PCSK5: variants seen among roughly 807,000 people sequenced by gnomAD.
The protein encoded by PCSK5 is proprotein convertase subtilisin/kexin type 5.
In PCSK5, 129 loss-of-function variants were observed where a neutral mutation model predicts 233.2. The ratio of observed to expected loss-of-function variants is 0.55; its 90% CI spans 0.48 to 0.64. The LOEUF (loss-of-function observed/expected upper bound fraction) is 0.64. Among genes scored for constraint, PCSK5 ranks in the 30% least tolerant of loss-of-function variants. The probability of loss-of-function intolerance (pLI) is 0.00; values close to 1 mark genes in which losing one functional copy is unlikely to be tolerated. For synonymous variants in PCSK5, 825 were observed against 879.2 expected, an observed-to-expected ratio of 0.94 and a Z score of 1.09; for missense variants, 2,076 against 2,430.1, an observed-to-expected ratio of 0.85 and a Z score of 3.06.
At chr9:75,947,078 C>G (rs1011047835) in intron 2 of PCSK5, among the ~76,000 whole-genome samples, 1 of 152,092 alleles carries the variant, frequency 6.6e-6, no homozygotes, top group South Asian at 2.1e-4. Context: ...TCCTGCAGTA[C>G]GTGTTTCTTG....
chr9:76,265,593 T>A (rs1247474527), intron 24 of PCSK5, among the ~76,000 whole-genome samples: 1 of 151,834 alleles, frequency 6.6e-6, no homozygotes, highest in African/African-American at 2.4e-5. Context: ...GGTGGGAGAG[T>A]AGATAAATGT....
intron 3 of PCSK5, among the ~76,000 whole-genome samples, chr9:75,992,185 T>G (rs1352330090): frequency 1.3e-5 from 2 of 152,180 alleles, no homozygotes; most frequent in East Asian, 3.9e-4. Flanking sequence ...TCCCTCGTGA[T>G]CTCTATTTTA....
intron 5 of PCSK5, among the ~76,000 whole-genome samples, chr9:76,040,754 T>C (rs748367706): frequency 2.0e-5 from 3 of 152,198 alleles, no homozygotes; most frequent in Admixed American, 6.5e-5. Flanking sequence ...CAATAAACAA[T>C]GTTTAATTCA....
At position 76,188,565 on chromosome 9, in the gene PCSK5, A is replaced by G. The variant is rs376389955; in HGVS notation, c.2283-13A>G. 1.3e-4 allele frequency: 212 copies of G among 1,592,290 alleles called. No individual in the cohort carries two copies. The highest frequency in any genetic ancestry group is 1.7e-4 in the Non-Finnish European group (199 of 1,160,302). The stretch of plus-strand genomic sequence containing the variant: ...CAACAGTCTGTTTGAAGCTCCCTTT[A>G]TACTTCTTCCAGCCTGCAGGGATCC... On this transcript the variant is annotated splice_polypyrimidine_tract_variant and intron_variant, in intron 17 of 37. Transcript: ENST00000674117.
At chr9:76,211,087 G>A (rs187131161) in intron 20 of PCSK5, among the ~76,000 whole-genome samples, 1 of 152,342 alleles carries the variant, frequency 6.6e-6, no homozygotes, top group East Asian at 1.9e-4. Flanking sequence ...GTGGGCAATA[G>A]ATGCAGGATT....
chr9:76,351,535 A>G (rs1403798138), intron 36 of PCSK5, among the ~76,000 whole-genome samples: 1 of 114,132 alleles, frequency 8.8e-6, no homozygotes, highest in African/African-American at 2.8e-5. Flanking sequence ...AAAGAAAGGA[A>G]GGAAAGAAAG....
At chr9:76,131,981 C>T (rs551692574) in intron 9 of PCSK5, among the ~76,000 whole-genome samples, 1 of 152,042 alleles carries the variant, frequency 6.6e-6, no homozygotes, top group South Asian at 2.1e-4. Flanking sequence ...TAAAAACATT[C>T]ATGTTCATTT....
At chr9:76,181,266 A>T in intron 15 of PCSK5, 132 bp from the exon 16 acceptor site, 1 of 672,646 alleles carries the variant, frequency 1.5e-6, no homozygotes, top group Non-Finnish European at 2.5e-6. Flanking sequence ...GGCTCTCTGG[A>T]TGTGGTGTTG....
intron 10 of PCSK5, among the ~76,000 whole-genome samples, chr9:76,148,662 C>T (rs1587688032): frequency 6.6e-6 from 1 of 152,290 alleles, no homozygotes; most frequent in East Asian, 1.9e-4. Context: ...CTGTTCCTGA[C>T]TCCTTGGTCA....
intron 2 of PCSK5, among the ~76,000 whole-genome samples, chr9:75,940,468 T>A (rs1170059079): frequency 6.6e-6 from 1 of 152,160 alleles, no homozygotes; most frequent in Non-Finnish European, 1.5e-5. Flanking sequence ...GGAAAGGGCA[T>A]AGGAAAAGGA....
At position 76,087,361 on chromosome 9, in the gene PCSK5, T is replaced by C. The variant is rs971577321; in HGVS notation, c.895-8529T>C. ...CAATAAACATAAAATTAGCTAATGA[T>C]AGGGTTGTAGGCAAGTTCTGTATTT... On this transcript the variant is annotated intron_variant, in intron 7 of 37. Transcript: ENST00000674117. 3.3e-5 allele frequency among the ~76,000 whole-genome samples: 5 copies of C among 152,214 alleles called. No individual in the cohort carries two copies. In the South Asian group the frequency reaches 1.0e-3, roughly 32 times the overall value.
intron 7 of PCSK5, among the ~76,000 whole-genome samples, chr9:76,074,650 A>G (rs1427870681): frequency 6.6e-6 from 1 of 152,178 alleles, no homozygotes. Flanking sequence ...ATGTAGATCA[A>G]ATTACCTCTC....
chr9:76,163,720 T>A (rs1822965887), intron 12 of PCSK5, among the ~76,000 whole-genome samples: 1 of 152,142 alleles, frequency 6.6e-6, no homozygotes, highest in African/African-American at 2.4e-5. Flanking sequence ...TGAAAATGTT[T>A]TTAGATGAGA....
At chr9:76,265,532 G>C (rs1330100585) in intron 24 of PCSK5, among the ~76,000 whole-genome samples, 1 of 152,114 alleles carries the variant, frequency 6.6e-6, no homozygotes, top group Non-Finnish European at 1.5e-5. Flanking sequence ...CATGATCCTA[G>C]AATAGATCTC....
At chr9:76,325,868 C>T (rs1829345840) in intron 32 of PCSK5, among the ~76,000 whole-genome samples, 1 of 152,114 alleles carries the variant, frequency 6.6e-6, no homozygotes, top group South Asian at 2.1e-4. Flanking sequence ...AACTCCTGAC[C>T]TTAGGTGATC....
At chr9:75,962,366 G>A (rs1563940286) in intron 2 of PCSK5, among the ~76,000 whole-genome samples, 1 of 152,202 alleles carries the variant, frequency 6.6e-6, no homozygotes, top group Non-Finnish European at 1.5e-5. Context: ...CTGGCAACTC[G>A]GCAGGTGCAG....
chr9:76,290,805 C>T (rs1182208199), intron 24 of PCSK5, among the ~76,000 whole-genome samples: 1 of 152,204 alleles, frequency 6.6e-6, no homozygotes, highest in Non-Finnish European at 1.5e-5. Flanking sequence ...TTACACAATA[C>T]ATACAAATAG....
At chr9:75,930,955 C>T (rs1016361585) in intron 1 of PCSK5, among the ~76,000 whole-genome samples, 1 of 152,178 alleles carries the variant, frequency 6.6e-6, no homozygotes, top group Non-Finnish European at 1.5e-5. Flanking sequence ...ACTGCTGCTT[C>T]AGAGTCCAGG....
intron 2 of PCSK5, among the ~76,000 whole-genome samples, chr9:75,949,691 C>G (rs1824754885): frequency 6.6e-6 from 1 of 151,986 alleles, no homozygotes; most frequent in Admixed American, 6.5e-5. Context: ...CCACCCCCAG[C>G]TAACTTTTTT....
Sources: allele counts gnomAD v4.1 joint callset (sites outside exome capture counted in the v4.1 genomes callset), GRCh38; gene constraint gnomAD v4.1.1; transcripts MANE v1.5; gene names NCBI Gene and HGNC (gene_info 2026-07-23, HGNC 2026-07-21).